Variants in XPR1 observed in about 807,000 individuals in gnomAD.
The protein encoded by XPR1 is solute carrier family 53 member 1.
XPR1 carries 28 observed loss-of-function variants against 87.5 expected under a neutral mutation model. The observed-to-expected ratio is 0.32, with a 90% CI of 0.24 to 0.44. The LOEUF (loss-of-function observed/expected upper bound fraction) is 0.44, where lower values mean the gene tolerates loss of function less well. Among genes scored for constraint, XPR1 ranks in the 20% least tolerant of loss-of-function variants. The pLI, the probability that XPR1 is intolerant of heterozygous loss-of-function variation, is 1.00. For missense variants in XPR1, 559 were observed against 862.3 expected (o/e 0.65, Z 4.41); for synonymous variants, 300 against 306.1 (o/e 0.98, Z 0.21).
intron 1 of XPR1, among the ~76,000 whole-genome samples, chr1:180,639,439 A>G (rs886382245): frequency 6.6e-6 from 1 of 152,232 alleles, no homozygotes; most frequent in African/African-American, 2.4e-5. Flanking sequence ...TCTTTTATTA[A>G]TTGAGGATGA....
At chr1:180,828,101 T>C (rs1650924341) in intron 9 of XPR1, among the ~76,000 whole-genome samples, 1 of 151,992 alleles carries the variant, frequency 6.6e-6, no homozygotes, top group Non-Finnish European at 1.5e-5. Flanking sequence ...GGTCTCGAAT[T>C]CCTGGGCTCA....
At chr1:180,767,227 A>T (rs1648320629) in intron 2 of XPR1, among the ~76,000 whole-genome samples, 1 of 152,208 alleles carries the variant, frequency 6.6e-6, no homozygotes, top group African/African-American at 2.4e-5. Context: ...AAAGCAATAT[A>T]ATCAGAAGAG....
At chr1:180,847,152 A>G (rs1205873157) in intron 11 of XPR1, among the ~76,000 whole-genome samples, 4 of 152,356 alleles carry the variant, frequency 2.6e-5, no homozygotes, top group Non-Finnish European at 5.9e-5. Context: ...GCTGGTATAG[A>G]AAAGACTGAA....
chr1:180,741,218 C>CA (rs1189642941), intron 2 of XPR1, among the ~76,000 whole-genome samples: 4 of 152,214 alleles, frequency 2.6e-5, no homozygotes, highest in Non-Finnish European at 5.9e-5. Flanking sequence ...GGCTGGAGCA[C>CA]AGTGGCACAA....
At position 180,640,040 on chromosome 1, in the gene XPR1, G is replaced by C. The variant is rs548237345; in HGVS notation, c.69+7770G>C. Among the ~76,000 whole-genome samples, 8 of 152,306 alleles carry C rather than the reference G, an allele frequency of 5.3e-5. No individual in the cohort carries two copies. The South Asian group carries it at 1.7e-3, about 32-fold the overall frequency. ...CATTTATTGAGCAGTTAGGAACCAG[G>C]TGTCAGCTGTTTTACATATGTTATC... On this transcript the variant is annotated intron_variant, in intron 1 of 14. Coordinates refer to ENST00000367590, the MANE Select transcript of XPR1 (RefSeq NM_004736.4).
chr1:180,747,135 A>G (rs1245697676), intron 2 of XPR1, among the ~76,000 whole-genome samples: 1 of 152,168 alleles, frequency 6.6e-6, no homozygotes, highest in African/African-American at 2.4e-5. Context: ...TTTCACAACC[A>G]TTTAGTGGAT....
At chr1:180,656,539 ATATT>A (rs1427095199) in intron 1 of XPR1, among the ~76,000 whole-genome samples, 3 of 91,828 alleles carry the variant, frequency 3.3e-5, no homozygotes, top group Non-Finnish European at 4.0e-5. Context: ...ATTATATATA[ATATT>A]TATATATTTA....
At chr1:180,656,622 TA>T (rs1366782457) in intron 1 of XPR1, among the ~76,000 whole-genome samples, 2 of 104,728 alleles carry the variant, frequency 1.9e-5, no homozygotes, top group African/African-American at 8.9e-5. Context: ...TAATATATTT[TA>T]TATATGTATG....
At chr1:180,753,645 C>CT in intron 2 of XPR1, among the ~76,000 whole-genome samples, 1 of 151,224 alleles carries the variant, frequency 6.6e-6, no homozygotes, top group East Asian at 1.9e-4. Context: ...CTAATTTTCT[C>CT]TTTTTTTAGT....
At position 180,803,488 on chromosome 1, in the gene XPR1, A is replaced by G; in HGVS notation, c.324A>G (p.Arg108=). 2 of 1,614,056 alleles carry G rather than the reference A, an allele frequency of 1.2e-6. No individual in the cohort carries two copies. The highest frequency in any genetic ancestry group is 1.1e-5 in the South Asian group (1 of 91,080). The change falls in exon 4 of 15, where the codon CGA becomes CGG. Residue 108 remains arginine, a synonymous_variant. Coordinates refer to ENST00000367590, the MANE Select transcript of XPR1 (RefSeq NM_004736.4). ...AAAGCACTGGTGTTACTACGCTGCG[A>G]CAACGCAGAAAGCCAGTCTTCCACT... ...QKESTGVTTL[R]QRRKPVFHLS...
At chr1:180,786,760 A>T (rs1235178656) in intron 2 of XPR1, among the ~76,000 whole-genome samples, 6 of 152,226 alleles carry the variant, frequency 3.9e-5, no homozygotes, top group Non-Finnish European at 7.3e-5. Context: ...ACATGGCAGC[A>T]ACTAGACAGA....
At chr1:180,718,313 C>T (rs1658065729) in intron 2 of XPR1, among the ~76,000 whole-genome samples, 1 of 152,138 alleles carries the variant, frequency 6.6e-6, no homozygotes, top group African/African-American at 2.4e-5. Context: ...GGGGATACTT[C>T]ATAGCTCTGA....
intron 1 of XPR1, among the ~76,000 whole-genome samples, chr1:180,646,955 A>G (rs963001868): frequency 6.6e-6 from 1 of 152,234 alleles, no homozygotes; most frequent in African/African-American, 2.4e-5. Context: ...GGTTTTGATA[A>G]GAGTTTGTAA....
At chr1:180,663,600 C>T (rs1655852270) in intron 1 of XPR1, among the ~76,000 whole-genome samples, 1 of 152,210 alleles carries the variant, frequency 6.6e-6, no homozygotes, top group South Asian at 2.1e-4. Context: ...CCGAAGCTAG[C>T]GCAACACTGG....
At chr1:180,666,788 A>C (rs1048683798) in intron 1 of XPR1, among the ~76,000 whole-genome samples, 1 of 152,190 alleles carries the variant, frequency 6.6e-6, no homozygotes, top group Admixed American at 6.5e-5. Flanking sequence ...AGATAATTTT[A>C]CTTTCCAGTT....
At chr1:180,790,114 A>G (rs1267008115) in intron 3 of XPR1, among the ~76,000 whole-genome samples, 1 of 152,136 alleles carries the variant, frequency 6.6e-6, no homozygotes, top group Non-Finnish European at 1.5e-5. Flanking sequence ...CCATGCAGAT[A>G]TATGGTATTA....
chr1:180,861,219 A>G (rs140897232), intron 11 of XPR1, among the ~76,000 whole-genome samples: 9 of 152,276 alleles, frequency 5.9e-5, no homozygotes, highest in East Asian at 1.9e-4. Context: ...CAATATTTGT[A>G]AAATACCTGG....
chr1:180,787,684 T>G, intron 2 of XPR1, 69 bp from the exon 3 acceptor site: 6 of 1,100,908 alleles, frequency 5.5e-6, no homozygotes, highest in Non-Finnish European at 7.9e-6. Flanking sequence ...TAATCTTAGT[T>G]TTTGTTTCCT....
chr1:180,706,959 CA>C (rs1458535865), intron 2 of XPR1, among the ~76,000 whole-genome samples: 3 of 152,188 alleles, frequency 2.0e-5, no homozygotes, highest in African/African-American at 7.2e-5. Flanking sequence ...AAGCTGAAAA[CA>C]GTATTTTCTA....
Sources: allele counts gnomAD v4.1 joint callset (sites outside exome capture counted in the v4.1 genomes callset), GRCh38; gene constraint gnomAD v4.1.1; transcripts MANE v1.5; gene names NCBI Gene and HGNC (gene_info 2026-07-23, HGNC 2026-07-21).